Variants in SSPN observed in about 807,000 individuals in gnomAD.
SSPN encodes the protein K-ras oncogene-associated protein.
In SSPN, 15 loss-of-function variants were observed where a neutral mutation model predicts 19.1. That is an observed-to-expected ratio of 0.78 (90% CI 0.52 to 1.21). The LOEUF is 1.21. Ranked by LOEUF, SSPN falls within the 50% of genes most tolerant of loss-of-function variation. The pLI, the probability that SSPN is intolerant of heterozygous loss-of-function variation, is 0.00. For missense variants in SSPN, 291 were observed against 314.0 expected (o/e 0.93, Z 0.55); for synonymous variants, 147 against 140.3 (o/e 1.05, Z -0.34).
At chr12:26,171,912 C>T (rs986573425) in intron 1 of SSPN, among the ~76,000 whole-genome samples, 10 of 152,128 alleles carry the variant, frequency 6.6e-5, no homozygotes, top group Admixed American at 3.9e-4. Flanking sequence ...TACCATTTGT[C>T]GCCTCTGTGA....
At chr12:26,214,374 G>A (rs7955911) in intron 1 of SSPN, among the ~76,000 whole-genome samples, 9,852 of 152,218 alleles carry the variant, frequency 0.065, 356 homozygotes, top group Middle Eastern at 0.11. Flanking sequence ...GCAGGTGGCT[G>A]TACCATGCAG....
At chr12:26,175,729 C>A (rs59428444) in intron 1 of SSPN, among the ~76,000 whole-genome samples, 19,723 of 152,002 alleles carry the variant, frequency 0.13, 1,333 homozygotes, top group Middle Eastern at 0.19. Context: ...AAATACAATT[C>A]TATGGAATTC....
chr12:26,150,993 T>C (rs182249263), intron 1 of SSPN, among the ~76,000 whole-genome samples: 3 of 152,320 alleles, frequency 2.0e-5, no homozygotes, highest in African/African-American at 7.2e-5. Context: ...TGACTTGCTG[T>C]AACAATCATT....
chr12:26,203,257 A>C (rs1944902222), intron 1 of SSPN, among the ~76,000 whole-genome samples: 1 of 152,228 alleles, frequency 6.6e-6, no homozygotes, highest in Non-Finnish European at 1.5e-5. Context: ...AATTCACTGC[A>C]AAATGCAGTT....
chr12:26,167,638 A>T (rs912495166), intron 1 of SSPN, among the ~76,000 whole-genome samples: 10 of 152,328 alleles, frequency 6.6e-5, no homozygotes, highest in South Asian at 2.1e-4. Context: ...CCGTCAGTTT[A>T]CCATCTGCGT....
At chr12:26,132,733 CCTCCCCTGGGATT>C (rs1944403758) in intron 1 of SSPN, among the ~76,000 whole-genome samples, 1 of 152,222 alleles carries the variant, frequency 6.6e-6, no homozygotes, top group Non-Finnish European at 1.5e-5. Flanking sequence ...GGCTCTCCAC[CCTCCCCTGGGATT>C]CTCCCACCTC....
chr12:26,213,571 G>A (rs1484059082), intron 1 of SSPN, among the ~76,000 whole-genome samples: 4 of 151,786 alleles, frequency 2.6e-5, no homozygotes, highest in Non-Finnish European at 2.9e-5. Context: ...CTTTCTCGGG[G>A]GCATTCATAG....
intron 1 of SSPN, among the ~76,000 whole-genome samples, chr12:26,184,773 T>C (rs557466875): frequency 5.3e-5 from 8 of 152,138 alleles, no homozygotes; most frequent in African/African-American, 9.7e-5. Flanking sequence ...ACTTCTCTCA[T>C]AGAGAGGAAG....
At chr12:26,184,427 C>A (rs6487536) in intron 1 of SSPN, among the ~76,000 whole-genome samples, 61,383 of 152,020 alleles carry the variant, frequency 0.4, 15,057 homozygotes, top group Admixed American at 0.57. Context: ...GTGACACATG[C>A]CACTTTATAG....
chr12:26,234,008 T>C lies in SSPN; in HGVS notation c.*2932T>C, dbSNP rs1453442860. On this transcript the variant is annotated 3_prime_UTR_variant, in exon 3 of 3. Coordinates refer to ENST00000242729, the MANE Select transcript of SSPN (RefSeq NM_005086.5). Reference sequence around the variant, plus strand: ...CAGAGCCCTGGAAACTGTAGTCAAGTAACAGGCCTCACTGTTTTTTTTCTT... The same window carrying C: ...CAGAGCCCTGGAAACTGTAGTCAAGCAACAGGCCTCACTGTTTTTTTTCTT... The C allele has an allele frequency of 6.6e-6, 1 of 152,250 alleles. No individual in the cohort carries two copies. The highest frequency in any genetic ancestry group is 1.5e-5 in the Non-Finnish European group (1 of 68,042). The allele number at this position is 152,250 out of a possible 1,614,324, so 9.4% of individuals were successfully genotyped here. A position where few individuals can be genotyped will look rare whatever the true frequency, so the allele number is the denominator to read the frequency against.
intron 1 of SSPN, among the ~76,000 whole-genome samples, chr12:26,164,907 C>A (rs1370555645): frequency 6.6e-6 from 1 of 152,204 alleles, no homozygotes; most frequent in African/African-American, 2.4e-5. Context: ...CAATCCTCCT[C>A]TTCAGACTGA....
intron 1 of SSPN, among the ~76,000 whole-genome samples, chr12:26,201,340 T>C (rs1944883222): frequency 6.7e-6 from 1 of 149,018 alleles, no homozygotes; most frequent in Non-Finnish European, 1.5e-5. Flanking sequence ...ATTGCACCAC[T>C]GCACTCCAGC....
chr12:26,203,428 G>C (rs941850928), intron 1 of SSPN, among the ~76,000 whole-genome samples: 1 of 151,158 alleles, frequency 6.6e-6, no homozygotes, highest in Non-Finnish European at 1.5e-5. Flanking sequence ...GAGTTCATAA[G>C]CTTACAGTGA....
intron 1 of SSPN, among the ~76,000 whole-genome samples, chr12:26,187,152 G>C (rs535322217): frequency 1.3e-5 from 2 of 152,328 alleles, no homozygotes; most frequent in African/African-American, 4.8e-5. Context: ...ATCCTGCTCT[G>C]GCTTAGTCCT....
At chr12:26,179,777 C>G (rs1465051941) in intron 1 of SSPN, among the ~76,000 whole-genome samples, 2 of 152,150 alleles carry the variant, frequency 1.3e-5, no homozygotes, top group Non-Finnish European at 2.9e-5. Flanking sequence ...CAGGCTACCT[C>G]TTGAAGAGGC....
rs772604329 is a variant in SSPN, at chr12:26,230,773, C to T, written c.429C>T (p.Ala143=). 10 of 1,614,190 alleles carry T rather than the reference C, an allele frequency of 6.2e-6. No homozygotes were observed. The highest frequency in any genetic ancestry group is 5.9e-6 in the Non-Finnish European group (7 of 1,180,028). ...TCTGTGTGCTGGCCGTGGCCTTTGCCGCCCACCACTATTCGCAGCTCACAC... is the reference window on the plus strand; with the variant it reads ...TCTGTGTGCTGGCCGTGGCCTTTGCTGCCCACCACTATTCGCAGCTCACAC... ...LTVCVLAVAF[A]AHHYSQLTQF... Residue 143 remains alanine, a synonymous_variant, in exon 3 of 3, where the codon GCC becomes GCT. Transcript: ENST00000242729.
At position 26,172,240 on chromosome 12, in the gene SSPN, A is replaced by T. The variant is rs573256556; in HGVS notation, c.-31+50088A>T. 1.1e-4 allele frequency among the ~76,000 whole-genome samples: 17 copies of T among 152,288 alleles called. No individual in the cohort carries two copies. In the South Asian group the frequency reaches 3.5e-3, roughly 32 times the overall value. On this transcript the variant is annotated intron_variant, in intron 1 of 2. Coordinates refer to the SSPN transcript ENST00000538142. ...GCGTAAAGTATACATTCACCTTAGA[A>T]TTTTTTAAATGTGTATGAAAATAAT...
chr12:26,139,092 T>C (rs545682828), intron 1 of SSPN, among the ~76,000 whole-genome samples: 1 of 152,312 alleles, frequency 6.6e-6, no homozygotes, highest in African/African-American at 2.4e-5. Flanking sequence ...GTGTATGGTT[T>C]ATTATATACT....
chr12:26,177,214 A>G (rs983920986), intron 1 of SSPN, among the ~76,000 whole-genome samples: 1 of 152,220 alleles, frequency 6.6e-6, no homozygotes, highest in African/African-American at 2.4e-5. Context: ...TAAGGCTACT[A>G]TTATATTATT....
Sources: gnomAD v4.1 joint callset for allele counts (sites outside exome capture counted in the v4.1 genomes callset) on GRCh38, gnomAD v4.1.1 for gene constraint, MANE v1.5 for transcripts, NCBI Gene and HGNC (gene_info 2026-07-23, HGNC 2026-07-21) for gene names.